Variants in N4BP2 observed in about 807,000 individuals in gnomAD.
The protein encoded by N4BP2 is NEDD4-binding protein 2.
A neutral mutation model predicts 152.8 loss-of-function variants in N4BP2; 91 were observed. The observed-to-expected ratio is 0.60, with a 90% CI of 0.50 to 0.71. N4BP2 has a LOEUF of 0.71. Among genes scored for constraint, N4BP2 ranks in the 30% least tolerant of loss-of-function variants. The pLI is 0.00. For missense variants in N4BP2, 1,923 were observed against 2,059.1 expected, an observed-to-expected ratio of 0.93 and a Z score of 1.28; for synonymous variants, 646 against 705.3, an observed-to-expected ratio of 0.92 and a Z score of 1.33.
chr4:40,142,559 A>T, intron 14 of N4BP2, 114 bp from the exon 15 acceptor site: 1 of 660,712 alleles, frequency 1.5e-6, no homozygotes, highest in African/African-American at 1.8e-5. Flanking sequence ...TTTCCTGAGG[A>T]GAGAGATGAA....
intron 4 of N4BP2, among the ~76,000 whole-genome samples, chr4:40,105,089 A>G (rs1160684890): frequency 6.6e-6 from 1 of 152,108 alleles, no homozygotes; most frequent in Non-Finnish European, 1.5e-5. Flanking sequence ...GGCGTGAGCC[A>G]CCACGCCCAA....
intron 12 of N4BP2, among the ~76,000 whole-genome samples, chr4:40,128,563 T>G (rs1718634874): frequency 1.3e-5 from 2 of 151,434 alleles, no homozygotes; most frequent in Admixed American, 1.3e-4. Flanking sequence ...AGTCTCGTTC[T>G]GTCACCCAGG....
chr4:40,081,169 T>C (rs1713329616), intron 2 of N4BP2, among the ~76,000 whole-genome samples: 2 of 152,148 alleles, frequency 1.3e-5, no homozygotes, highest in Non-Finnish European at 2.9e-5. Context: ...AAAAATGCAT[T>C]TCTTACGGAT....
chr4:40,174,186 G>A, the N4BP2 span, among the ~76,000 whole-genome samples: 2 of 152,000 alleles, frequency 1.3e-5, no homozygotes, highest in Non-Finnish European at 2.9e-5. Context: ...AGACCAGCCT[G>A]GGCAAAATAG....
chr4:40,148,324 G>A (rs28677176), intron 16 of N4BP2, among the ~76,000 whole-genome samples: 2,910 of 152,290 alleles, frequency 0.019, 106 homozygotes, highest in African/African-American at 0.066. Flanking sequence ...GGCGGCGCGC[G>A]CCTGCAATCG....
intron 1 of N4BP2, among the ~76,000 whole-genome samples, chr4:40,061,880 G>T (rs1250111429): frequency 2.6e-5 from 4 of 151,874 alleles, no homozygotes; most frequent in African/African-American, 9.7e-5. Flanking sequence ...GGCCAGGGTG[G>T]TCTGGAACTC....
chr4:40,169,304 C>T, the N4BP2 span, among the ~76,000 whole-genome samples: 1 of 151,362 alleles, frequency 6.6e-6, no homozygotes, highest in East Asian at 2.0e-4. Context: ...ATTGCTTGAA[C>T]CCAGCGGGTG....
Position 40,102,445 on chromosome 4 carries a change from T to C in N4BP2, c.600T>C (p.Gly200=). The part of the protein sequence containing the change: ...IFSTQNMNLN[G]ENLENSGSTL... ...CTACACAAAATATGAATTTGAACGG[T>C]GAAAATTTAGAGAATTCTGGTTCTA... The change falls in exon 4 of 18, where the codon GGT becomes GGC. Residue 200 remains glycine (G), a synonymous_variant. Coordinates refer to ENST00000261435, the MANE Select transcript of N4BP2 (RefSeq NM_018177.6). 1 of 1,612,920 alleles carries C rather than the reference T, an allele frequency of 6.2e-7. No homozygotes were observed. The highest frequency in any genetic ancestry group is 1.1e-5 in the South Asian group (1 of 90,892).
chr4:40,169,729 C>T, the N4BP2 span, among the ~76,000 whole-genome samples: 2 of 151,114 alleles, frequency 1.3e-5, no homozygotes, highest in South Asian at 2.1e-4. Flanking sequence ...CTTTGGGAGG[C>T]CGAGGTGGGT....
At chr4:40,184,326 A>T in the N4BP2 span, among the ~76,000 whole-genome samples, 5 of 149,284 alleles carry the variant, frequency 3.3e-5, no homozygotes, top group Non-Finnish European at 7.4e-5. Context: ...ACTTCACATT[A>T]TTTTTTTTTC....
intron 16 of N4BP2, among the ~76,000 whole-genome samples, chr4:40,149,543 G>A (rs941957637): frequency 9.2e-5 from 14 of 152,124 alleles, no homozygotes. Flanking sequence ...CCGCTTAATT[G>A]CATATTTTAA....
chr4:40,102,931 G>A lies in N4BP2; in HGVS notation c.1086G>A (p.Met362Ile), dbSNP rs1423383899. Residue 362 changes from methionine to isoleucine, a missense_variant, in exon 4 of 18, where the codon ATG becomes ATA. Physicochemically the swap from Met to Ile is conservative, Grantham distance 10. Coordinates refer to ENST00000261435, the MANE Select transcript of N4BP2 (RefSeq NM_018177.6). The part of the protein sequence containing the change: ...LLLPPPPPPP[M>I]WNPMIPAFDL... ...TGCCTCCTCCGCCACCTCCACCGAT[G>A]TGGAATCCAATGATTCCTGCTTTTG... The A allele has an allele frequency of 3.1e-6, 5 of 1,614,218 alleles. No homozygotes were observed. The highest frequency in any genetic ancestry group is 4.2e-6 in the Non-Finnish European group (5 of 1,180,046).
chr4:40,138,425 A>C (rs567012497), intron 14 of N4BP2, among the ~76,000 whole-genome samples: 220 of 152,246 alleles, frequency 1.4e-3, no homozygotes, highest in African/African-American at 5.1e-3. Context: ...AAGCCTTTTA[A>C]ATTTGATGTA....
At chr4:40,091,245 C>T (rs1006443999) in intron 2 of N4BP2, among the ~76,000 whole-genome samples, 13 of 151,708 alleles carry the variant, frequency 8.6e-5, no homozygotes, top group Non-Finnish European at 1.3e-4. Context: ...AATCTATATG[C>T]GTTTTATTTT....
chr4:40,175,993 G>A, the N4BP2 span, among the ~76,000 whole-genome samples: 2 of 151,182 alleles, frequency 1.3e-5, no homozygotes, highest in African/African-American at 2.4e-5. Context: ...GGGAGGCTGA[G>A]CCAGGAGAAT....
rs961060428 is a variant in N4BP2, at chr4:40,101,560, A to AT, written c.230-506dup. On this transcript the variant is annotated intron_variant, in intron 3 of 17. Coordinates refer to ENST00000261435, the MANE Select transcript of N4BP2 (RefSeq NM_018177.6). Reference sequence around the variant, plus strand: ...GCAAAGTTCTTTGAGCATATTAAAGATTTTTTTTTACAAAATATTTCTGAT... The same window carrying AT: ...GCAAAGTTCTTTGAGCATATTAAAGATTTTTTTTTTACAAAATATTTCTGAT... Among the ~76,000 whole-genome samples the AT allele has an allele frequency of 3.2e-4, 49 of 151,914 alleles. No homozygotes were observed. In the East Asian group the frequency reaches 3.3e-3, roughly 10 times the overall value.
intron 2 of N4BP2, among the ~76,000 whole-genome samples, chr4:40,090,730 C>T (rs1185014080): frequency 6.6e-6 from 1 of 151,880 alleles, no homozygotes; most frequent in Non-Finnish European, 1.5e-5. Context: ...GTCAGGAGTT[C>T]GAGACCAGCC....
chr4:40,178,375 ATGT>A, the N4BP2 span, among the ~76,000 whole-genome samples: 3 of 152,104 alleles, frequency 2.0e-5, no homozygotes, highest in Admixed American at 6.6e-5. Context: ...AGATATATAA[ATGT>A]TGTAGGAAAA....
intron 8 of N4BP2, among the ~76,000 whole-genome samples, chr4:40,118,830 G>C (rs1415078198): frequency 6.6e-6 from 1 of 152,152 alleles, no homozygotes; most frequent in Non-Finnish European, 1.5e-5. Context: ...CACTGATTCT[G>C]TTTAGCAACG....
Sources: allele counts gnomAD v4.1 joint callset (sites outside exome capture counted in the v4.1 genomes callset), GRCh38; gene constraint gnomAD v4.1.1; transcripts MANE v1.5; gene names NCBI Gene and HGNC (gene_info 2026-07-23, HGNC 2026-07-21).